The following EYS variants were observed in gnomAD, a reference collection of about 807,000 sequenced individuals.
EYS encodes the protein protein eyes shut homolog.
In EYS, 250 loss-of-function variants were observed where a neutral mutation model predicts 282.1. The ratio of observed to expected loss-of-function variants is 0.89; its 90% CI spans 0.80 to 0.98. EYS has a LOEUF of 0.98. Ranked by LOEUF, EYS falls within the 50% of genes least tolerant of loss-of-function variation. The pLI is 0.00. For missense variants in EYS, 4,016 were observed against 3,709.0 expected, an observed-to-expected ratio of 1.08 and a Z score of -2.15; for synonymous variants, 1,355 against 1,282.9, an observed-to-expected ratio of 1.06 and a Z score of -1.20.
chr6:64,943,642 T>C (rs887874594), intron 15 of EYS, among the ~76,000 whole-genome samples: 7 of 151,654 alleles, frequency 4.6e-5, no homozygotes, highest in Non-Finnish European at 1.0e-4. Flanking sequence ...AAGGAATACA[T>C]CTAATCAAGG....
At chr6:63,725,209 A>G (rs934326828) in intron 42 of EYS, among the ~76,000 whole-genome samples, 6 of 152,158 alleles carry the variant, frequency 3.9e-5, no homozygotes, top group East Asian at 3.8e-4. Flanking sequence ...CTGATGGCAT[A>G]AAAAAGGAAA....
At position 65,583,888 on chromosome 6, in the gene EYS, T is replaced by C. The variant is rs975073959; in HGVS notation, c.-333+55890A>G. ...GAATGTTAATATGTTCATATTAACA[T>C]ACTACCTAACATATCTTATGAACAT... is the stretch of plus-strand genomic sequence containing the variant. On this transcript the variant is annotated intron_variant, in intron 2 of 42. Transcript: ENST00000503581. Among the ~76,000 whole-genome samples, 3 of 151,992 alleles carry C rather than the reference T, an allele frequency of 2.0e-5. No homozygotes were observed. The South Asian group carries it at 6.2e-4, about 31-fold the overall frequency.
intron 30 of EYS, among the ~76,000 whole-genome samples, chr6:64,285,267 T>C (rs1449011707): frequency 2.0e-5 from 3 of 152,290 alleles, no homozygotes; most frequent in East Asian, 1.9e-4. Flanking sequence ...AATCACCTCT[T>C]GAATGCTTTA....
intron 26 of EYS, among the ~76,000 whole-genome samples, chr6:64,574,022 A>T (rs6935202): frequency 0.12 from 19,021 of 152,234 alleles, 1,288 homozygotes; most frequent in East Asian, 0.27. Flanking sequence ...ACTTGAAACC[A>T]ACCCAAATGC....
In EYS at chr6:64,864,633, C is replaced by T. The variant is rs566313960; in HGVS notation, c.2992+22064G>A. On this transcript the variant is annotated intron_variant, in intron 19 of 42. Transcript: ENST00000503581. The stretch of plus-strand genomic sequence containing the variant: ...TCTCCTGACCCTGTGATCCACCTGC[C>T]GCGGCCTTTCAAAGTGCTGGGATTA... Among the ~76,000 whole-genome samples, 306 of 151,034 alleles carry T rather than the reference C, an allele frequency of 2.0e-3. 2 individuals carry two copies. Among genetic ancestry groups the T allele is most frequent in the Admixed American group, 1.7e-3 (26 of 15,146 alleles).
chr6:65,281,782 G>C (rs10806504), intron 12 of EYS, among the ~76,000 whole-genome samples: 93,318 of 151,880 alleles, frequency 0.61, 29,786 homozygotes, highest in East Asian at 0.94. Flanking sequence ...CATAACAGAT[G>C]AACCAGGTTC....
At chr6:63,886,313 G>GAT (rs1256351069) in intron 35 of EYS, among the ~76,000 whole-genome samples, 6 of 152,086 alleles carry the variant, frequency 3.9e-5, no homozygotes, top group African/African-American at 1.4e-4. Context: ...TGTATTTTAA[G>GAT]ATATATTGTC....
Position 63,740,715 on chromosome 6 carries a change from G to C in EYS, c.8072-14035C>G, listed in dbSNP as rs1769054038. Among the ~76,000 whole-genome samples the C allele has an allele frequency of 3.3e-5, 5 of 152,276 alleles. No homozygotes were observed. The South Asian group carries it at 1.0e-3, about 32-fold the overall frequency. On this transcript the variant is annotated intron_variant, in intron 41 of 42. Transcript: ENST00000503581. ...GTTTTGAAACAATGCATAGATAGTT[G>C]ATACTTTTATTGTTATGTGCATTAA...
chr6:65,254,703 A>G (rs1028122432), intron 12 of EYS, among the ~76,000 whole-genome samples: 1 of 151,866 alleles, frequency 6.6e-6, no homozygotes, highest in African/African-American at 2.4e-5. Context: ...AAAGTTATGT[A>G]GGGCTGTTAA....
chr6:65,277,715 T>A (rs966986771), intron 12 of EYS, among the ~76,000 whole-genome samples: 1 of 152,166 alleles, frequency 6.6e-6, no homozygotes. Context: ...AAAGCAAATG[T>A]CACTCAATGA....
intron 12 of EYS, among the ~76,000 whole-genome samples, chr6:65,079,575 T>C (rs1449146972): frequency 6.6e-6 from 1 of 152,066 alleles, no homozygotes; most frequent in Non-Finnish European, 1.5e-5. Flanking sequence ...AGTGATAACA[T>C]ATTATATATT....
intron 26 of EYS, among the ~76,000 whole-genome samples, chr6:64,490,062 A>G (rs1776690797): frequency 6.6e-6 from 1 of 150,892 alleles, no homozygotes. Context: ...ATGTTTATTC[A>G]TTTAAAAAAC....
intron 39 of EYS, among the ~76,000 whole-genome samples, chr6:63,782,027 G>A (rs1770241986): frequency 6.6e-6 from 1 of 152,098 alleles, no homozygotes; most frequent in Non-Finnish European, 1.5e-5. Context: ...TTTGTTTGTG[G>A]TTCTGTTTAT....
chr6:64,094,868 C>T (rs1211223224), intron 31 of EYS, among the ~76,000 whole-genome samples: 2 of 152,044 alleles, frequency 1.3e-5, no homozygotes, highest in Non-Finnish European at 2.9e-5. Flanking sequence ...TTAGATCTTT[C>T]CTTCTTTCCT....
At chr6:64,538,172 A>G (rs1187277176) in intron 26 of EYS, among the ~76,000 whole-genome samples, 1 of 149,378 alleles carries the variant, frequency 6.7e-6, no homozygotes, top group African/African-American at 2.4e-5. Flanking sequence ...TCATGGTAAT[A>G]CGGTCTAAGG....
intron 40 of EYS, among the ~76,000 whole-genome samples, chr6:63,771,917 T>A (rs1769933640): frequency 6.6e-6 from 1 of 152,204 alleles, no homozygotes; most frequent in Non-Finnish European, 1.5e-5. Flanking sequence ...TAGGCTCCTG[T>A]TGTCTTTTAA....
At chr6:64,000,478 G>A (rs1053455564) in intron 33 of EYS, among the ~76,000 whole-genome samples, 2 of 151,588 alleles carry the variant, frequency 1.3e-5, no homozygotes, top group African/African-American at 4.9e-5. Flanking sequence ...AGGATTACAG[G>A]CGTGAGCCAC....
chr6:64,483,573 C>A (rs901420636), intron 26 of EYS, among the ~76,000 whole-genome samples: 1 of 151,572 alleles, frequency 6.6e-6, no homozygotes, highest in Non-Finnish European at 1.5e-5. Context: ...TCTCTGGTGA[C>A]CCCCAGGAAT....
intron 12 of EYS, 87 bp downstream of exon 12, chr6:65,295,776 T>C: frequency 8.9e-7 from 1 of 1,119,124 alleles, no homozygotes; most frequent in South Asian, 1.5e-5. Context: ...ATAGACACAT[T>C]TGAGATATAT....
Sources: allele counts gnomAD v4.1 joint callset (sites outside exome capture counted in the v4.1 genomes callset), GRCh38; gene constraint gnomAD v4.1.1; transcripts MANE v1.5; gene names NCBI Gene and HGNC (gene_info 2026-07-23, HGNC 2026-07-21).